RYR2: variants seen among roughly 807,000 people sequenced by gnomAD.
The protein encoded by RYR2 is cardiac muscle ryanodine receptor-calcium release channel.
In RYR2, 227 loss-of-function variants were observed where a neutral mutation model predicts 601.1. The ratio of observed to expected loss-of-function variants is 0.38; its 90% confidence interval spans 0.34 to 0.42. The LOEUF is 0.42. Among genes scored for constraint, RYR2 ranks in the 10% least tolerant of loss-of-function variants. RYR2 has a pLI of 1.00. For missense variants in RYR2, 4,646 were observed against 6,156.5 expected (o/e 0.75, Z 8.21); for synonymous variants, 2,223 against 2,175.1 (o/e 1.02, Z -0.61).
At chr1:237,356,149 C>G (rs1362348694) in intron 4 of RYR2, among the ~76,000 whole-genome samples, 164 bp downstream of exon 4, 1 of 152,020 alleles carries the variant, frequency 6.6e-6, no homozygotes, top group Non-Finnish European at 1.5e-5. Flanking sequence ...TAATGAGAAC[C>G]TTATGTTTCT....
intron 7 of RYR2, among the ~76,000 whole-genome samples, chr1:237,376,200 C>T (rs887931926): frequency 2.6e-5 from 4 of 152,076 alleles, no homozygotes; most frequent in Admixed American, 6.6e-5. Flanking sequence ...AGAATTCTGC[C>T]AGGTGACATT....
chr1:237,564,483 T>G (rs1284077359), intron 27 of RYR2, among the ~76,000 whole-genome samples: 1 of 152,188 alleles, frequency 6.6e-6, no homozygotes, highest in Non-Finnish European at 1.5e-5. Context: ...TTGGCCAGAC[T>G]GGTCTCGAAT....
At chr1:237,465,892 T>C (rs553468714) in intron 16 of RYR2, among the ~76,000 whole-genome samples, 1 of 152,238 alleles carries the variant, frequency 6.6e-6, no homozygotes, top group Non-Finnish European at 1.5e-5. Flanking sequence ...TCTTAAGGGA[T>C]GATCATTTTA....
rs189517391 is a variant in RYR2 at position 237,255,859 on chromosome 1, G to T, written c.49-14638G>T. ...TACCAGTGTGTGTGTGTGTGTGTGTGTGTGTGTGTGTGTGAGTTTAGCTTT... is the reference window on the plus strand; with the variant it reads ...TACCAGTGTGTGTGTGTGTGTGTGTTTGTGTGTGTGTGTGAGTTTAGCTTT... On this transcript the variant is annotated intron_variant, in intron 1 of 104. Transcript: ENST00000366574. Among the ~76,000 whole-genome samples the T allele has an allele frequency of 1.4e-4, 21 of 151,954 alleles. No individual in the cohort carries two copies. In the East Asian group the frequency reaches 3.9e-3, roughly 28 times the overall value.
At chr1:237,502,941 C>G (rs147432471) in intron 21 of RYR2, among the ~76,000 whole-genome samples, 2 of 151,942 alleles carry the variant, frequency 1.3e-5, no homozygotes, top group African/African-American at 4.8e-5. Context: ...CTTTATCTTT[C>G]GGTACTTTGG....
intron 35 of RYR2, among the ~76,000 whole-genome samples, chr1:237,603,288 C>T (rs576027016): frequency 4.6e-5 from 7 of 152,130 alleles, no homozygotes; most frequent in South Asian, 2.1e-4. Flanking sequence ...TAGTCTGGCA[C>T]GGTGAAGAGC....
Position 237,157,749 on chromosome 1 carries a change from C to T in RYR2, c.49-112748C>T, listed in dbSNP as rs927774320. Among the ~76,000 whole-genome samples, 10 of 151,976 alleles carry T rather than the reference C, an allele frequency of 6.6e-5. No individual in the cohort carries two copies. The East Asian group carries it at 1.5e-3, about 23-fold the overall frequency. Reference sequence around the variant, plus strand: ...AGAATGGAAGCGTAGTGGGAAGGGACGGTGGGAGGAGCTGGTTAATGGGTA... The same window carrying T: ...AGAATGGAAGCGTAGTGGGAAGGGATGGTGGGAGGAGCTGGTTAATGGGTA... On this transcript the variant is annotated intron_variant, in intron 1 of 104. Coordinates refer to ENST00000366574, the MANE Select transcript of RYR2 (RefSeq NM_001035.3).
intron 12 of RYR2, among the ~76,000 whole-genome samples, chr1:237,437,679 T>C (rs1350159126): frequency 6.6e-6 from 1 of 152,124 alleles, no homozygotes; most frequent in Non-Finnish European, 1.5e-5. Flanking sequence ...GCTATGAGAG[T>C]ACATGAATGA....
chr1:237,630,471 C>A (rs945302377), intron 41 of RYR2, among the ~76,000 whole-genome samples: 12 of 152,170 alleles, frequency 7.9e-5, no homozygotes, highest in Middle Eastern at 3.4e-3. Context: ...ATGCAAAAAT[C>A]ATACTATCCC....
intron 4 of RYR2, among the ~76,000 whole-genome samples, chr1:237,362,570 A>G (rs1699866125): frequency 6.6e-6 from 1 of 152,142 alleles, no homozygotes; most frequent in Admixed American, 6.6e-5. Context: ...CAGTGCTTAC[A>G]TTGAATTAAA....
At chr1:237,093,026 T>G (rs1667137316) in intron 1 of RYR2, among the ~76,000 whole-genome samples, 1 of 152,180 alleles carries the variant, frequency 6.6e-6, no homozygotes, top group Non-Finnish European at 1.5e-5. Context: ...CCGGTGAAGA[T>G]GGGCATGCCT....
intron 1 of RYR2, among the ~76,000 whole-genome samples, chr1:237,220,080 T>G (rs2149134226): frequency 6.6e-6 from 1 of 152,316 alleles, no homozygotes; most frequent in East Asian, 1.9e-4. Context: ...GGTGTCAGCT[T>G]GACTGGATTG....
At chr1:237,119,350 A>C (rs1057191861) in intron 1 of RYR2, among the ~76,000 whole-genome samples, 6 of 152,230 alleles carry the variant, frequency 3.9e-5, no homozygotes, top group African/African-American at 1.4e-4. Context: ...TAAGTCAGTC[A>C]GTCTGTGGTA....
intron 54 of RYR2, among the ~76,000 whole-genome samples, chr1:237,658,512 C>T (rs961765156): frequency 6.6e-5 from 10 of 152,204 alleles, no homozygotes; most frequent in South Asian, 2.1e-4. Context: ...CTGCCTCAAC[C>T]GCCTGAGTAG....
At chr1:237,188,585 A>T (rs1385584880) in intron 1 of RYR2, among the ~76,000 whole-genome samples, 2 of 151,764 alleles carry the variant, frequency 1.3e-5, no homozygotes, top group Non-Finnish European at 1.5e-5. Context: ...TCTTTTTGAG[A>T]TGGAGTTTCA....
At chr1:237,539,387 A>G (rs2618680) in intron 25 of RYR2, among the ~76,000 whole-genome samples, 102,127 of 152,122 alleles carry the variant, frequency 0.67, 35,075 homozygotes, top group Non-Finnish European at 0.75. Context: ...AAAGAGCAGT[A>G]TCATAGCAGA....
rs1682290594 is a variant in RYR2 at position 237,209,282 on chromosome 1, TCA to T, written c.49-61214_49-61213del. On this transcript the variant is annotated intron_variant, in intron 1 of 104. Coordinates refer to ENST00000366574, the MANE Select transcript of RYR2 (RefSeq NM_001035.3). ...TTATATGAACAAGATGATTCCAAAT[TCA>T]GTTTTGAAAATAAAAGCATAAAATA... is the stretch of plus-strand genomic sequence containing the variant. Among the ~76,000 whole-genome samples the T allele has an allele frequency of 2.0e-5, 3 of 151,708 alleles. No individual in the cohort carries two copies. In the South Asian group the frequency reaches 6.2e-4, roughly 32 times the overall value.
chr1:237,210,069 T>A (rs7516180), intron 1 of RYR2, among the ~76,000 whole-genome samples: 49,987 of 152,076 alleles, frequency 0.33, 8,745 homozygotes, highest in East Asian at 0.55. Context: ...GCTGTTGATA[T>A]TTCACATATT....
intron 1 of RYR2, among the ~76,000 whole-genome samples, chr1:237,134,438 G>A (rs532942128): frequency 5.3e-5 from 8 of 152,250 alleles, no homozygotes; most frequent in African/African-American, 1.9e-4. Context: ...TGTCTTATAT[G>A]GCAGCAGGCA....
Sources: allele counts gnomAD v4.1 joint callset (sites outside exome capture counted in the v4.1 genomes callset), GRCh38; gene constraint gnomAD v4.1.1; transcripts MANE v1.5; gene names NCBI Gene and HGNC (gene_info 2026-07-23, HGNC 2026-07-21).